MTDH: variants seen among roughly 807,000 people sequenced by gnomAD.
The protein encoded by MTDH is metadherin.
Under a neutral mutation model 72.7 loss-of-function variants are expected in MTDH, and 34 were observed. The observed-to-expected ratio is 0.47, with a 90% CI of 0.36 to 0.62. The LOEUF is 0.62. Among genes scored for constraint, MTDH ranks in the 20% least tolerant of loss-of-function variants. The pLI is 0.00. For synonymous variants in MTDH, 266 were observed against 268.9 expected (o/e 0.99, Z 0.10); for missense variants, 677 against 699.4 (o/e 0.97, Z 0.36).
chr8:97,723,475 G>C (rs370509651), intron 11 of MTDH, among the ~76,000 whole-genome samples: 3 of 151,470 alleles, frequency 2.0e-5, no homozygotes, highest in African/African-American at 7.3e-5. Flanking sequence ...CGGGTGCGGT[G>C]GCTCACGCCT....
At chr8:97,678,034 G>T (rs913229613) in intron 2 of MTDH, among the ~76,000 whole-genome samples, 3 of 152,146 alleles carry the variant, frequency 2.0e-5, no homozygotes, top group Non-Finnish European at 4.4e-5. Flanking sequence ...TGTTGCTAAT[G>T]ATATTAAATA....
chr8:97,704,949 G>C (rs1157855728), intron 7 of MTDH, among the ~76,000 whole-genome samples: 1 of 152,192 alleles, frequency 6.6e-6, no homozygotes, highest in African/African-American at 2.4e-5. Context: ...ACTGTCCCAG[G>C]AATAGATCAG....
chr8:97,706,770 G>T lies in MTDH; in HGVS notation c.1272+20G>T. On this transcript the variant is annotated intron_variant, in intron 8 of 11. Transcript: ENST00000336273. ...CAAAAGGTGAGTATAAGAGATTCCT[G>T]GGTGTTTATTTGTTAATGAAAGAGA... 1.2e-6 allele frequency: 2 copies of T among 1,606,686 alleles called. No individual in the cohort carries two copies. The highest frequency in any genetic ancestry group is 1.7e-6 in the Non-Finnish European group (2 of 1,176,716).
At chr8:97,685,096 G>A (rs1586243322) in intron 2 of MTDH, among the ~76,000 whole-genome samples, 1 of 152,064 alleles carries the variant, frequency 6.6e-6, no homozygotes, top group Non-Finnish European at 1.5e-5. Context: ...AATTTTGATA[G>A]TTGTGCAACT....
chr8:97,684,092 G>A (rs980496169), intron 2 of MTDH, among the ~76,000 whole-genome samples: 8 of 149,250 alleles, frequency 5.4e-5, no homozygotes, highest in Middle Eastern at 3.4e-3. Flanking sequence ...AACTGAGATC[G>A]CGCCATTGCA....
intron 8 of MTDH, among the ~76,000 whole-genome samples, chr8:97,710,584 G>C (rs1814585242): frequency 6.9e-6 from 1 of 145,340 alleles, no homozygotes; most frequent in African/African-American, 2.6e-5. Context: ...TGTAATCCCA[G>C]CTACTTGGGA....
intron 6 of MTDH, among the ~76,000 whole-genome samples, chr8:97,699,446 A>G (rs1563555979): frequency 6.6e-6 from 1 of 152,134 alleles, no homozygotes; most frequent in Non-Finnish European, 1.5e-5. Flanking sequence ...CAAAAAAAAA[A>G]AAAGAGAGAA....
At chr8:97,687,406 T>A in intron 3 of MTDH, 23 bp from the exon 4 acceptor site, 1 of 1,557,366 alleles carries the variant, frequency 6.4e-7, no homozygotes, top group Non-Finnish European at 8.7e-7. Context: ...CTGAATAACA[T>A]TTTTTTTCTG....
chr8:97,718,911 GTCTCA>G, intron 9 of MTDH, 133 bp from the exon 10 acceptor site: 1 of 708,726 alleles, frequency 1.4e-6, no homozygotes, highest in South Asian at 2.0e-5. Context: ...GCCCAGGCTG[GTCTCA>G]AATTCCTGAG....
Position 97,724,755 on chromosome 8 carries a change from CAG to C in MTDH, c.*88_*89del, listed in dbSNP as rs1478858174. On this transcript the variant is annotated 3_prime_UTR_variant, in exon 12 of 12. Transcript: ENST00000336273. ...TTATGCAATAATTTGTGAACATGTA[CAG>C]AGTTTTATATAAATTTAAACCAATT... is the stretch of plus-strand genomic sequence containing the variant. 1.6e-5 allele frequency: 16 copies of C among 1,030,998 alleles called. No individual in the cohort carries two copies. Among genetic ancestry groups the C allele is most frequent in the Middle Eastern group, 2.4e-4 (1 of 4,178 alleles). 63.9% of individuals were successfully genotyped at this position (1,030,998 alleles called of 1,614,324 possible).
intron 1 of MTDH, among the ~76,000 whole-genome samples, chr8:97,646,421 A>G (rs1047884598): frequency 1.3e-5 from 2 of 152,246 alleles, no homozygotes; most frequent in African/African-American, 4.8e-5. Context: ...ACCAATTATC[A>G]AAGTAATGTT....
chr8:97,644,329 G>A lies in MTDH; in HGVS notation c.-178G>A, dbSNP rs751142456. The A allele has an allele frequency of 7.7e-6, 6 of 779,742 alleles. No homozygotes were observed. Among genetic ancestry groups the A allele is most frequent in the East Asian group, 3.2e-5 (1 of 30,778 alleles). 48.3% of individuals were successfully genotyped at this position (779,742 alleles called of 1,614,324 possible). ...GTGAGGCTGACAGCGGGGAACCTGG[G>A]AGACCCCTCCGCCCTCCCCGCGGTG... On this transcript the variant is annotated 5_prime_UTR_variant, in exon 1 of 12. Transcript: ENST00000336273.
chr8:97,678,964 G>T (rs1441964432), intron 2 of MTDH, among the ~76,000 whole-genome samples: 1 of 152,156 alleles, frequency 6.6e-6, no homozygotes, highest in East Asian at 1.9e-4. Context: ...TGCATGATTT[G>T]TTATTAAAGA....
chr8:97,656,337 G>T (rs999880621), intron 1 of MTDH, among the ~76,000 whole-genome samples: 1 of 127,094 alleles, frequency 7.9e-6, no homozygotes, highest in Non-Finnish European at 1.6e-5. Context: ...ACAGAGACTC[G>T]CTCTGTCCCC....
chr8:97,692,036 A>C (rs1813629724), intron 6 of MTDH, among the ~76,000 whole-genome samples: 1 of 152,050 alleles, frequency 6.6e-6, no homozygotes, highest in African/African-American at 2.4e-5. Flanking sequence ...TGGCATCACC[A>C]TACCTGGCTA....
At chr8:97,675,716 A>C (rs1256187371) in intron 2 of MTDH, among the ~76,000 whole-genome samples, 2 of 151,980 alleles carry the variant, frequency 1.3e-5, no homozygotes, top group African/African-American at 4.8e-5. Flanking sequence ...TTCAAAAAAT[A>C]CAAAAATTAG....
chr8:97,713,794 T>C (rs2131067680), intron 9 of MTDH, 25 bp downstream of exon 9: 1 of 1,384,966 alleles, frequency 7.2e-7, no homozygotes, highest in East Asian at 2.4e-5. Flanking sequence ...CAACAAGCAT[T>C]CATTAAGCGC....
chr8:97,664,609 A>G (rs10086233), intron 2 of MTDH, among the ~76,000 whole-genome samples: 6,813 of 152,216 alleles, frequency 0.045, 506 homozygotes, highest in African/African-American at 0.15. Flanking sequence ...TAATGTGGTC[A>G]GGTCTAGGTG....
In MTDH at chr8:97,724,584, C is replaced by A; in HGVS notation, c.1679-16C>A. ...CTCCTAATTTTTTTCTTCGTTTTCC[C>A]CCTTTTCTTTTTTAGCCAAGTCTGA... On this transcript the variant is annotated splice_polypyrimidine_tract_variant and intron_variant, in intron 11 of 11. Coordinates refer to ENST00000336273, the MANE Select transcript of MTDH (RefSeq NM_178812.4). The A allele has an allele frequency of 6.4e-7, 1 of 1,569,474 alleles. No individual in the cohort carries two copies. The highest frequency in any genetic ancestry group is 8.6e-7 in the Non-Finnish European group (1 of 1,164,670).
Sources: allele counts gnomAD v4.1 joint callset (sites outside exome capture counted in the v4.1 genomes callset), GRCh38; gene constraint gnomAD v4.1.1; transcripts MANE v1.5; gene names NCBI Gene and HGNC (gene_info 2026-07-23, HGNC 2026-07-21).